LARGE1: variants seen among roughly 807,000 people sequenced by gnomAD.
LARGE1 encodes the protein xylosyl- and glucuronyltransferase LARGE1.
Under a neutral mutation model 87.6 loss-of-function variants are expected in LARGE1, and 43 were observed. That is an observed-to-expected ratio of 0.49 (90% CI 0.38 to 0.63). The LOEUF is 0.63. LARGE1 is among the 30% of genes least tolerant of loss of function. The probability of loss-of-function intolerance (pLI) is 0.00; values close to 1 mark genes in which losing one functional copy is unlikely to be tolerated. For missense variants in LARGE1, 802 were observed against 1,000.2 expected (o/e 0.80, Z 2.67); for synonymous variants, 434 against 394.6 (o/e 1.10, Z -1.18).
downstream of LARGE1, among the ~76,000 whole-genome samples, chr22:33,158,502 C>T (rs1011915881): frequency 1.3e-5 from 2 of 152,138 alleles, no homozygotes; most frequent in African/African-American, 4.8e-5. Flanking sequence ...ATAACATCTT[C>T]CCTCTAGCTT....
intron 1 of LARGE1, among the ~76,000 whole-genome samples, chr22:33,907,617 TAGC>T (rs1389298399): frequency 1.3e-5 from 2 of 150,432 alleles, no homozygotes; most frequent in African/African-American, 4.9e-5. Flanking sequence ...CAGGCTGGAG[TAGC>T]GCAGTGGCGC....
intron 6 of LARGE1, among the ~76,000 whole-genome samples, chr22:33,553,637 C>T (rs139546863): frequency 6.6e-6 from 1 of 152,250 alleles, no homozygotes; most frequent in Non-Finnish European, 1.5e-5. Flanking sequence ...GTCACGTTAC[C>T]CTCACGCCAA....
intron 3 of LARGE1, among the ~76,000 whole-genome samples, chr22:33,637,330 A>G (rs1450769684): frequency 6.6e-6 from 1 of 152,180 alleles, no homozygotes; most frequent in Non-Finnish European, 1.5e-5. Flanking sequence ...TTTCTAAAAT[A>G]AGTTTTACAA....
At chr22:33,847,516 G>A (rs1448692216) in intron 1 of LARGE1, among the ~76,000 whole-genome samples, 2 of 152,156 alleles carry the variant, frequency 1.3e-5, no homozygotes, top group Non-Finnish European at 2.9e-5. Context: ...ATTGAGTATA[G>A]TTTAGATTCT....
At chr22:33,506,928 A>G (rs2070793188) in intron 6 of LARGE1, among the ~76,000 whole-genome samples, 1 of 152,164 alleles carries the variant, frequency 6.6e-6, no homozygotes, top group Admixed American at 6.5e-5. Context: ...CAGGAGAAGT[A>G]TTAGAGACAA....
At chr22:33,171,635 C>T (rs1922577320) in intron 11 of LARGE1, among the ~76,000 whole-genome samples, 1 of 152,158 alleles carries the variant, frequency 6.6e-6, no homozygotes. Flanking sequence ...GATGCAAGCC[C>T]CAAGCCTTGG....
rs377566674 is a variant in LARGE1, at chr22:33,277,048, C to T, written c.2073+12G>A. ...CGTCGACCATACCAGGTGGATGCTC[C>T]GTTCTTCTCACCTGCACATCCAGCT... On this transcript the variant is annotated intron_variant, in intron 14 of 14. Transcript: ENST00000397394. 277 of 1,613,574 alleles carry T rather than the reference C, an allele frequency of 1.7e-4. 4 individuals carry two copies. Among genetic ancestry groups the T allele is most frequent in the Middle Eastern group, 9.9e-4 (6 of 6,062 alleles).
chr22:33,329,847 TTGA>T (rs566077955), intron 10 of LARGE1, among the ~76,000 whole-genome samples: 75 of 152,272 alleles, frequency 4.9e-4, no homozygotes, highest in African/African-American at 1.7e-3. Flanking sequence ...CAAGACCCTC[TTGA>T]TGATAAAGCA....
chr22:33,605,682 A>G (rs1480227417), intron 4 of LARGE1, among the ~76,000 whole-genome samples: 1 of 152,256 alleles, frequency 6.6e-6, no homozygotes, highest in African/African-American at 2.4e-5. Context: ...ACAAATAATG[A>G]CATAAAGCGT....
the LARGE1 span, among the ~76,000 whole-genome samples, chr22:33,138,449 C>A: frequency 1.7e-4 from 25 of 150,808 alleles, no homozygotes; most frequent in African/African-American, 5.9e-4. Context: ...TTTATTTTTT[C>A]ATTTTTTTTT....
At chr22:33,560,554 T>C (rs537071198) in intron 6 of LARGE1, among the ~76,000 whole-genome samples, 1 of 152,320 alleles carries the variant, frequency 6.6e-6, no homozygotes, top group South Asian at 2.1e-4. Flanking sequence ...GTGTATTTAT[T>C]ATTTATGCCT....
At chr22:33,329,509 G>A (rs1000099249) in intron 10 of LARGE1, among the ~76,000 whole-genome samples, 2 of 151,986 alleles carry the variant, frequency 1.3e-5, no homozygotes, top group African/African-American at 2.4e-5. Context: ...TTGTTCTGAA[G>A]CTGATAAGCA....
At chr22:33,079,441 A>G in the LARGE1 span, among the ~76,000 whole-genome samples, 9 of 151,892 alleles carry the variant, frequency 5.9e-5, no homozygotes. Flanking sequence ...GTTAGCCAGC[A>G]TGGTCTCGAT....
chr22:33,419,800 C>T (rs960953090), intron 7 of LARGE1, among the ~76,000 whole-genome samples: 3 of 152,132 alleles, frequency 2.0e-5, no homozygotes, highest in Non-Finnish European at 2.9e-5. Flanking sequence ...GAGCGATTCT[C>T]GTGCCTCAGC....
At chr22:33,872,112 A>T (rs1352071663) in intron 1 of LARGE1, among the ~76,000 whole-genome samples, 1 of 151,924 alleles carries the variant, frequency 6.6e-6, no homozygotes, top group Non-Finnish European at 1.5e-5. Context: ...CTCTGACGTC[A>T]ACCTTTCAGC....
the LARGE1 span, among the ~76,000 whole-genome samples, chr22:33,142,901 A>G: frequency 6.6e-6 from 1 of 152,202 alleles, no homozygotes; most frequent in Non-Finnish European, 1.5e-5. Context: ...GCAGAAAGTT[A>G]TCAGAACATA....
intron 6 of LARGE1, among the ~76,000 whole-genome samples, chr22:33,520,458 A>C (rs2071526504): frequency 1.3e-5 from 2 of 152,112 alleles, no homozygotes; most frequent in Admixed American, 6.5e-5. Context: ...GGGAGACAGC[A>C]AGCTTCTGCT....
At chr22:33,301,836 T>C (rs147183567) in intron 12 of LARGE1, among the ~76,000 whole-genome samples, 10 of 152,244 alleles carry the variant, frequency 6.6e-5, no homozygotes, top group African/African-American at 2.4e-4. Flanking sequence ...TCAAGTAGGG[T>C]CTGGATTAGC....
intron 1 of LARGE1, among the ~76,000 whole-genome samples, chr22:33,799,361 C>A (rs1276643324): frequency 6.6e-6 from 1 of 152,140 alleles, no homozygotes; most frequent in Admixed American, 6.5e-5. Flanking sequence ...AGCCATAATC[C>A]ATGTGGTGGG....
Sources: allele counts gnomAD v4.1 joint callset (sites outside exome capture counted in the v4.1 genomes callset), GRCh38; gene constraint gnomAD v4.1.1; transcripts MANE v1.5; gene names NCBI Gene and HGNC (gene_info 2026-07-23, HGNC 2026-07-21).